The following ROBO2 variants were observed in gnomAD, a reference collection of about 807,000 sequenced individuals.
The protein encoded by ROBO2 is roundabout guidance receptor 2, also known as roundabout homolog 2.
Under a neutral mutation model 160.8 loss-of-function variants are expected in ROBO2, and 53 were observed. That is an observed-to-expected ratio of 0.33 (90% CI 0.26 to 0.41). The LOEUF (loss-of-function observed/expected upper bound fraction) is 0.41, where lower values mean the gene tolerates loss of function less well. ROBO2 is among the 10% of genes least tolerant of loss of function. ROBO2 has a pLI of 1.00. For synonymous variants in ROBO2, 664 were observed against 611.7 expected (o/e 1.09, Z -1.26); for missense variants, 1,577 against 1,722.4 (o/e 0.92, Z 1.49).
chr3:76,254,813 A>G (rs1424239584), intron 2 of ROBO2, among the ~76,000 whole-genome samples: 2 of 151,988 alleles, frequency 1.3e-5, no homozygotes, highest in Admixed American at 6.6e-5. Context: ...ACATCGATCA[A>G]TATCCTGGTT....
chr3:76,732,657 G>A (rs1026627936), intron 2 of ROBO2, among the ~76,000 whole-genome samples: 3 of 152,064 alleles, frequency 2.0e-5, no homozygotes, highest in African/African-American at 7.2e-5. Context: ...GTTGACAGAA[G>A]AAAGAAAGAA....
At chr3:75,938,792 A>G (rs1206758977) in intron 2 of ROBO2, among the ~76,000 whole-genome samples, 1 of 152,182 alleles carries the variant, frequency 6.6e-6, no homozygotes, top group Non-Finnish European at 1.5e-5. Flanking sequence ...ATATACATGT[A>G]AGCAGATAAT....
intron 2 of ROBO2, among the ~76,000 whole-genome samples, chr3:77,018,217 C>T (rs753100151): frequency 6.2e-4 from 95 of 152,242 alleles, no homozygotes; most frequent in Non-Finnish European, 1.2e-3. Flanking sequence ...ATTCTCCTGC[C>T]TCAGCCTCCC....
At chr3:76,321,155 A>C (rs1390611322) in intron 2 of ROBO2, among the ~76,000 whole-genome samples, 1 of 152,166 alleles carries the variant, frequency 6.6e-6, no homozygotes, top group Non-Finnish European at 1.5e-5. Flanking sequence ...CTAGGCTCTA[A>C]ATAGAGCAAT....
intron 2 of ROBO2, among the ~76,000 whole-genome samples, chr3:76,765,761 G>T (rs1450875607): frequency 6.6e-6 from 1 of 151,662 alleles, no homozygotes. Context: ...GCCAGCATCA[G>T]CTGACGTCTG....
intron 2 of ROBO2, among the ~76,000 whole-genome samples, chr3:77,012,599 A>G (rs1578244977): frequency 1.3e-5 from 2 of 152,334 alleles, no homozygotes; most frequent in Middle Eastern, 6.8e-3. Context: ...ACATGGATGG[A>G]TAGAAAAATA....
In ROBO2 at chr3:77,454,965, G is replaced by A. The variant is rs116711576; in HGVS notation, c.389-22449G>A. ...TAATTTAGTCTACCATCTCCTGGGTGTATAAAAGTGGCTTAAACTAGGAGA... is the reference window on the plus strand; with the variant it reads ...TAATTTAGTCTACCATCTCCTGGGTATATAAAAGTGGCTTAAACTAGGAGA... On this transcript the variant is annotated intron_variant, in intron 2 of 25. Transcript: ENST00000461745. 6.3e-3 allele frequency among the ~76,000 whole-genome samples: 965 copies of A among 152,250 alleles called. 12 individuals carry two copies. Among genetic ancestry groups the A allele is most frequent in the African/African-American group, 0.022 (919 of 41,550 alleles).
rs79786648 is a variant in ROBO2 at position 76,518,166 on chromosome 3, C to T, written c.110-579848C>T. Among the ~76,000 whole-genome samples, 1,227 of 152,166 alleles carry T rather than the reference C, an allele frequency of 8.1e-3. 18 individuals carry two copies. The highest frequency in any genetic ancestry group is 0.028 in the African/African-American group (1,143 of 41,520). ...AGAAAACAGAAACAATAATGACACACAAAAGAATTTTTTGAGAAGGCAGTC... is the reference window on the plus strand; with the variant it reads ...AGAAAACAGAAACAATAATGACACATAAAAGAATTTTTTGAGAAGGCAGTC... On this transcript the variant is annotated intron_variant, in intron 2 of 26. Coordinates refer to the ROBO2 transcript ENST00000487694.
chr3:77,128,576 G>T (rs1306469038), intron 2 of ROBO2, among the ~76,000 whole-genome samples: 2 of 152,116 alleles, frequency 1.3e-5, no homozygotes, highest in Non-Finnish European at 2.9e-5. Flanking sequence ...TTTTCAGATT[G>T]CTGGTGTAGT....
chr3:76,555,838 T>C (rs2083755739), intron 2 of ROBO2, among the ~76,000 whole-genome samples: 1 of 152,114 alleles, frequency 6.6e-6, no homozygotes, highest in Admixed American at 6.5e-5. Context: ...CCGAGCACTT[T>C]GGGAGGCTGA....
At chr3:76,599,216 C>G (rs1241310164) in intron 2 of ROBO2, among the ~76,000 whole-genome samples, 1 of 152,140 alleles carries the variant, frequency 6.6e-6, no homozygotes, top group African/African-American at 2.4e-5. Context: ...CTGATTCTCT[C>G]CCTCTTCCTA....
chr3:76,756,292 C>A (rs1036408424), intron 2 of ROBO2, among the ~76,000 whole-genome samples: 6 of 151,840 alleles, frequency 4.0e-5, no homozygotes, highest in African/African-American at 1.4e-4. Context: ...AATTAATAAA[C>A]CATTGTAGAA....
rs1009613346 is a variant in ROBO2, at chr3:76,358,213, G to C, written c.109+420611G>C. On this transcript the variant is annotated intron_variant, in intron 2 of 26. Transcript: ENST00000487694. ...ACTGTGTAAGAGTCCCCTTACTTGGGGTTTTGCATATCCTAGAGATTTGCT... is the reference window on the plus strand; with the variant it reads ...ACTGTGTAAGAGTCCCCTTACTTGGCGTTTTGCATATCCTAGAGATTTGCT... Among the ~76,000 whole-genome samples, 13 of 151,968 alleles carry C rather than the reference G, an allele frequency of 8.6e-5. No homozygotes were observed. The South Asian group carries it at 2.5e-3, about 29-fold the overall frequency.
intron 2 of ROBO2, among the ~76,000 whole-genome samples, chr3:76,615,789 T>G (rs2088533312): frequency 6.6e-6 from 1 of 152,222 alleles, no homozygotes; most frequent in Non-Finnish European, 1.5e-5. Flanking sequence ...GTGTGCATTC[T>G]GTTTTACAGT....
chr3:76,214,571 C>T (rs773180967), intron 2 of ROBO2, among the ~76,000 whole-genome samples: 7 of 152,176 alleles, frequency 4.6e-5, no homozygotes, highest in African/African-American at 7.2e-5. Context: ...ATTGCTAGCA[C>T]AGCAGTCTGA....
intron 2 of ROBO2, among the ~76,000 whole-genome samples, chr3:76,642,480 G>T (rs1578813451): frequency 6.7e-6 from 1 of 149,912 alleles, no homozygotes; most frequent in South Asian, 2.1e-4. Context: ...AGCCTCCTGA[G>T]TACCTGGGAT....
chr3:77,607,714 G>A (rs2094552062), intron 20 of ROBO2, 84 bp from the exon 22 acceptor site: 1 of 1,255,756 alleles, frequency 8.0e-7, no homozygotes, highest in Admixed American at 1.7e-5. Context: ...CTGGTGTTTT[G>A]AAACATAAAT....
chr3:76,662,223 T>G (rs1430112879), intron 2 of ROBO2, among the ~76,000 whole-genome samples: 1 of 152,098 alleles, frequency 6.6e-6, no homozygotes, highest in Non-Finnish European at 1.5e-5. Flanking sequence ...ATTTTTGGTC[T>G]TCCCTGTCCA....
chr3:76,765,425 C>T (rs1404812042), intron 2 of ROBO2, among the ~76,000 whole-genome samples: 1 of 151,554 alleles, frequency 6.6e-6, no homozygotes, highest in Non-Finnish European at 1.5e-5. Flanking sequence ...TTTGATACTC[C>T]TACTGTTGAG....
Sources: gnomAD v4.1 joint callset for allele counts (sites outside exome capture counted in the v4.1 genomes callset) on GRCh38, gnomAD v4.1.1 for gene constraint, MANE v1.5 for transcripts, NCBI Gene and HGNC (gene_info 2026-07-23, HGNC 2026-07-21) for gene names.